BTBD16: variants seen among roughly 807,000 people sequenced by gnomAD.
BTBD16 encodes BTB domain containing 16.
BTBD16 carries 66 observed loss-of-function variants against 67.4 expected under a neutral mutation model. The ratio of observed to expected loss-of-function variants is 0.98; its 90% CI spans 0.80 to 1.20. BTBD16 has a LOEUF of 1.20. Ranked by LOEUF, BTBD16 falls within the 50% of genes most tolerant of loss-of-function variation. The probability of loss-of-function intolerance (pLI) is 0.00; values close to 1 mark genes in which losing one functional copy is unlikely to be tolerated. For missense variants in BTBD16, 634 were observed against 616.0 expected, an observed-to-expected ratio of 1.03 and a Z score of -0.31; for synonymous variants, 242 against 236.4, an observed-to-expected ratio of 1.02 and a Z score of -0.22.
At chr10:122,324,167 C>T (rs2096440285) in intron 10 of BTBD16, among the ~76,000 whole-genome samples, 1 of 152,210 alleles carries the variant, frequency 6.6e-6, no homozygotes, top group Admixed American at 6.5e-5. Context: ...TCCAGAAAGC[C>T]TTCTCTGATC....
At chr10:122,317,680 AC>A (rs1162773963) in intron 10 of BTBD16, among the ~76,000 whole-genome samples, 1 of 151,972 alleles carries the variant, frequency 6.6e-6, no homozygotes, top group African/African-American at 2.4e-5. Flanking sequence ...AAACAAAAAA[AC>A]AACAAAAAAA....
rs904572186 is a variant in BTBD16 at position 122,328,784 on chromosome 10, G to T, written c.912-696G>T. ...ATTTCAAAAGAAGGGCAGGGAATGCGTGTCTGTGTGTGCGTGTCTTCTCAA... is the reference window on the plus strand; with the variant it reads ...ATTTCAAAAGAAGGGCAGGGAATGCTTGTCTGTGTGTGCGTGTCTTCTCAA... On this transcript the variant is annotated intron_variant, in intron 10 of 15. Transcript: ENST00000260723. The T allele has an allele frequency of 6.1e-6, 6 of 985,280 alleles. No homozygotes were observed. The Admixed American group carries it at 1.8e-4, about 30-fold the overall frequency. 61.0% of individuals were successfully genotyped at this position (985,280 alleles called of 1,614,324 possible).
At position 122,337,779 on chromosome 10, in the gene BTBD16, T is replaced by G. The variant is rs547717623; in HGVS notation, c.1453-238T>G. Among the ~76,000 whole-genome samples the G allele has an allele frequency of 2.6e-5, 4 of 152,348 alleles. No individual in the cohort carries two copies. In the South Asian group the frequency reaches 8.3e-4, roughly 32 times the overall value. On this transcript the variant is annotated intron_variant, in intron 15 of 15. Transcript: ENST00000260723. ...TCAGGGTGATGGTTACACAGGAGCA[T>G]TTACTTGGTGAGAATTTATCAAGCT...
intron 10 of BTBD16, among the ~76,000 whole-genome samples, chr10:122,328,051 G>A (rs936133410): frequency 3.3e-5 from 5 of 152,214 alleles, no homozygotes; most frequent in African/African-American, 1.2e-4. Context: ...GCGTCAGCTT[G>A]GCCCCTTCTT....
At chr10:122,300,481 A>G (rs2096391932) in intron 9 of BTBD16, among the ~76,000 whole-genome samples, 2 of 152,028 alleles carry the variant, frequency 1.3e-5, no homozygotes, top group African/African-American at 2.4e-5. Flanking sequence ...CTACATATAC[A>G]CTTGTTTTTT....
chr10:122,283,199 G>T (rs1484629610), intron 3 of BTBD16, among the ~76,000 whole-genome samples: 1 of 152,222 alleles, frequency 6.6e-6, no homozygotes, highest in Non-Finnish European at 1.5e-5. Flanking sequence ...CGGAGGCTGG[G>T]AGACTTTGGC....
chr10:122,337,211 A>T (rs536330021), intron 15 of BTBD16, among the ~76,000 whole-genome samples: 87 of 152,316 alleles, frequency 5.7e-4, no homozygotes, highest in African/African-American at 1.9e-3. Flanking sequence ...CTGATTGCAC[A>T]TCAGAATCAC....
chr10:122,292,687 T>G (rs1302528981), intron 7 of BTBD16, among the ~76,000 whole-genome samples: 1 of 152,236 alleles, frequency 6.6e-6, no homozygotes, highest in Non-Finnish European at 1.5e-5. Flanking sequence ...CTTAGGCTCC[T>G]CTGGGAGGCC....
chr10:122,298,698 G>A (rs373040499), intron 8 of BTBD16, among the ~76,000 whole-genome samples: 5 of 152,276 alleles, frequency 3.3e-5, no homozygotes, highest in East Asian at 1.9e-4. Flanking sequence ...CCACTTACGA[G>A]TTGTGTGACG....
rs773115186 is a variant in BTBD16, at chr10:122,275,089, T to C, written c.8T>C (p.Met3Thr). ...TAATTTCCACTTTCATTCATGATAA[T>C]GTCGAACACGGTGAGTAGATCAGTT... MI[M>T]SNTHKARLER... Residue 3 changes from methionine (M) to threonine (T), a missense_variant, in exon 2 of 16, where the codon ATG becomes ACG. By Grantham distance (81) the Met-to-Thr change is moderately conservative. Transcript: ENST00000260723. The C allele has an allele frequency of 8.7e-6, 14 of 1,613,940 alleles. No homozygotes were observed. The East Asian group carries it at 2.7e-4, about 31-fold the overall frequency.
At chr10:122,297,925 T>G in intron 8 of BTBD16, 88 bp downstream of exon 8, 1 of 1,133,474 alleles carries the variant, frequency 8.8e-7, no homozygotes, top group East Asian at 2.5e-5. Flanking sequence ...CCAGGCCTAC[T>G]TCCCCCCAGA....
intron 10 of BTBD16, among the ~76,000 whole-genome samples, chr10:122,326,541 A>G (rs1408969783): frequency 1.3e-5 from 2 of 152,194 alleles, no homozygotes; most frequent in Non-Finnish European, 2.9e-5. Context: ...TGTGGGCCTG[A>G]TACTCGCAGG....
At chr10:122,293,380 C>T (rs2096377476) in intron 7 of BTBD16, among the ~76,000 whole-genome samples, 1 of 152,190 alleles carries the variant, frequency 6.6e-6, no homozygotes, top group South Asian at 2.1e-4. Context: ...CATGAAATGA[C>T]TAGGTCCAGG....
At chr10:122,304,004 A>G (rs2096398871) in intron 9 of BTBD16, among the ~76,000 whole-genome samples, 1 of 152,210 alleles carries the variant, frequency 6.6e-6, no homozygotes, top group African/African-American at 2.4e-5. Flanking sequence ...TGTTGCTGCT[A>G]GCCCCTCTTT....
chr10:122,314,678 T>C (rs2096420728), intron 10 of BTBD16, among the ~76,000 whole-genome samples: 1 of 152,232 alleles, frequency 6.6e-6, no homozygotes, highest in African/African-American at 2.4e-5. Context: ...TGCTGATATA[T>C]AGAAGTACAA....
At chr10:122,299,263 G>C (rs1395978383) in intron 9 of BTBD16, 129 bp downstream of exon 9, 2 of 1,185,520 alleles carry the variant, frequency 1.7e-6, no homozygotes, top group African/African-American at 3.1e-5. Context: ...CTGGACAGCT[G>C]AGCCTTGGCT....
intron 3 of BTBD16, among the ~76,000 whole-genome samples, chr10:122,277,893 C>T (rs1485263160): frequency 6.6e-6 from 1 of 152,188 alleles, no homozygotes; most frequent in African/African-American, 2.4e-5. Context: ...TTCCCTGGTG[C>T]CATGGACCTG....
At position 122,272,153 on chromosome 10, in the gene BTBD16, C is replaced by T. The variant is rs772760084; in HGVS notation, c.-43+639C>T. On this transcript the variant is annotated intron_variant, in intron 1 of 15. Coordinates refer to ENST00000260723, the MANE Select transcript of BTBD16 (RefSeq NM_144587.5). ...GTTACCTGAGGTGGGAGAAGCCTCA[C>T]GCAAGGTGGAAACTCAGCCATCAAG... 2.6e-4 allele frequency among the ~76,000 whole-genome samples: 40 copies of T among 152,278 alleles called. No homozygotes were observed. In the Middle Eastern group the frequency reaches 0.01, roughly 39 times the overall value.
chr10:122,330,781 T>C (rs1459636434), intron 11 of BTBD16, among the ~76,000 whole-genome samples: 1 of 152,122 alleles, frequency 6.6e-6, no homozygotes, highest in Non-Finnish European at 1.5e-5. Context: ...AAGGCTGGAG[T>C]GCACTGGTGC....
Sources: gnomAD v4.1 joint callset for allele counts (sites outside exome capture counted in the v4.1 genomes callset) on GRCh38, gnomAD v4.1.1 for gene constraint, MANE v1.5 for transcripts, NCBI Gene and HGNC (gene_info 2026-07-23, HGNC 2026-07-21) for gene names.